The following AFAP1L1 variants were observed in gnomAD, a reference collection of about 807,000 sequenced individuals.
AFAP1L1 encodes actin filament-associated protein 1-like 1.
AFAP1L1 carries 77 observed loss-of-function variants against 99.8 expected under a neutral mutation model. The observed-to-expected ratio is 0.77, with a 90% CI of 0.64 to 0.93. AFAP1L1 has a LOEUF of 0.93. Among genes scored for constraint, AFAP1L1 ranks in the 40% least tolerant of loss-of-function variants. AFAP1L1 has a pLI of 0.00. For missense variants in AFAP1L1, 893 were observed against 996.8 expected (o/e 0.90, Z 1.40); for synonymous variants, 373 against 395.3 (o/e 0.94, Z 0.67).
At chr5:149,290,101 C>T (rs936332477) in intron 1 of AFAP1L1, among the ~76,000 whole-genome samples, 2 of 152,094 alleles carry the variant, frequency 1.3e-5, no homozygotes, top group African/African-American at 4.8e-5. Flanking sequence ...GGCGTGGTAG[C>T]GCACGCCTGT....
At chr5:149,316,623 T>A (rs942850404) in intron 11 of AFAP1L1, among the ~76,000 whole-genome samples, 1 of 152,206 alleles carries the variant, frequency 6.6e-6, no homozygotes, top group Non-Finnish European at 1.5e-5. Flanking sequence ...GACAGGGGTA[T>A]CTTATTTTCC....
At chr5:149,300,696 T>G (rs1157589634) in intron 3 of AFAP1L1, among the ~76,000 whole-genome samples, 1 of 152,210 alleles carries the variant, frequency 6.6e-6, no homozygotes, top group Non-Finnish European at 1.5e-5. Context: ...ATAGCTTGCA[T>G]GGCTGCCACG....
At chr5:149,275,836 A>G (rs1418163371) in intron 1 of AFAP1L1, among the ~76,000 whole-genome samples, 5 of 152,154 alleles carry the variant, frequency 3.3e-5, no homozygotes, top group East Asian at 1.9e-4. Context: ...CACCAGTCCT[A>G]TTGGATTAGA....
chr5:149,282,322 C>T (rs868459563), intron 1 of AFAP1L1, among the ~76,000 whole-genome samples: 2 of 152,142 alleles, frequency 1.3e-5, no homozygotes, highest in African/African-American at 4.8e-5. Flanking sequence ...AAATGGAATA[C>T]GTGCCTTTTC....
intron 14 of AFAP1L1, among the ~76,000 whole-genome samples, chr5:149,322,378 T>A (rs1756974415): frequency 6.6e-6 from 1 of 152,214 alleles, no homozygotes; most frequent in South Asian, 2.1e-4. Flanking sequence ...CAGCAGGTGC[T>A]GCAGTTTAGG....
Position 149,312,211 on chromosome 5 carries a change from C to G in AFAP1L1, c.1020+7C>G. 6.2e-7 allele frequency: 1 copy of G among 1,613,724 alleles called. No homozygotes were observed. The highest frequency in any genetic ancestry group is 1.1e-5 in the South Asian group (1 of 91,066). On this transcript the variant is annotated splice_region_variant and intron_variant, in intron 9 of 18. Transcript: ENST00000296721. ...CAAGTTGGACCTGGACAAGGTATAT[C>G]TGTCTCCACTAAGTCTTCCCCAGGC... is the stretch of plus-strand genomic sequence containing the variant.
At chr5:149,309,845 G>T (rs1249586660) in intron 7 of AFAP1L1, 111 bp from the exon 8 acceptor site, 8 of 1,337,922 alleles carry the variant, frequency 6.0e-6, no homozygotes, top group Admixed American at 1.9e-5. Context: ...TAGGCTGGGT[G>T]GGGGAGGTCT....
chr5:149,317,900 T>C lies in AFAP1L1; in HGVS notation c.1439T>C (p.Phe480Ser), dbSNP rs770066358. 6.3e-7 allele frequency: 1 copy of C among 1,592,430 alleles called. No individual in the cohort carries two copies. Among genetic ancestry groups the C allele is most frequent in the Non-Finnish European group, 8.6e-7 (1 of 1,169,478 alleles). The change falls in exon 12 of 19, where the codon TTC (phenylalanine) becomes TCC (serine). Residue 480 changes from phenylalanine to serine, a missense_variant. Phe to Ser is a radical substitution (Grantham distance 155). Transcript: ENST00000296721. ...PGFGPRHPFA[F>S]RILRNRQEVA... Reference sequence around the variant, plus strand: ...TTTGGGCCCCGACACCCATTTGCCTTCAGGATCCTGCGCAACCGGCAGGAG... The same window carrying C: ...TTTGGGCCCCGACACCCATTTGCCTCCAGGATCCTGCGCAACCGGCAGGAG...
intron 1 of AFAP1L1, among the ~76,000 whole-genome samples, chr5:149,278,877 T>C (rs922848555): frequency 1.3e-5 from 2 of 152,174 alleles, no homozygotes; most frequent in Non-Finnish European, 2.9e-5. Flanking sequence ...TCAGCCCTCT[T>C]GCTACACTCA....
chr5:149,281,248 G>A (rs922881389), intron 1 of AFAP1L1, among the ~76,000 whole-genome samples: 1 of 152,144 alleles, frequency 6.6e-6, no homozygotes, highest in African/African-American at 2.4e-5. Context: ...CCAGCCCTGA[G>A]TTTCTTTTCT....
chr5:149,326,442 G>A (rs1363013371), intron 15 of AFAP1L1, among the ~76,000 whole-genome samples: 2 of 151,558 alleles, frequency 1.3e-5, no homozygotes, highest in Non-Finnish European at 2.9e-5. Context: ...GGGAGGCTGA[G>A]GCACAAGAAT....
Position 149,343,160 on chromosome 5 carries a change from C to T in AFAP1L1, c.*3130C>T, listed in dbSNP as rs1232882417. Among the ~76,000 whole-genome samples, 2 of 152,116 alleles carry T rather than the reference C, an allele frequency of 1.3e-5. No homozygotes were observed. The highest frequency in any genetic ancestry group is 6.5e-5 in the Admixed American group (1 of 15,268). ...AGAAAATATAAGTTATTGGTCATGA[C>T]ACATTTGAGTTGGACCTCGGATTAG... is the stretch of plus-strand genomic sequence containing the variant. On this transcript the variant is annotated 3_prime_UTR_variant, in exon 19 of 19. Coordinates refer to ENST00000296721, the MANE Select transcript of AFAP1L1 (RefSeq NM_152406.4).
At chr5:149,274,607 A>T (rs920223383) in intron 1 of AFAP1L1, among the ~76,000 whole-genome samples, 3 of 152,230 alleles carry the variant, frequency 2.0e-5, no homozygotes, top group Non-Finnish European at 2.9e-5. Flanking sequence ...GGCTGGGCAC[A>T]GTGGCTCACG....
intron 1 of AFAP1L1, among the ~76,000 whole-genome samples, chr5:149,281,654 C>A (rs1289347631): frequency 6.6e-6 from 1 of 152,128 alleles, no homozygotes; most frequent in African/African-American, 2.4e-5. Context: ...CCATTTTATA[C>A]ATGAAGAAAC....
At chr5:149,333,190 A>G (rs1757307137) in intron 17 of AFAP1L1, among the ~76,000 whole-genome samples, 1 of 152,248 alleles carries the variant, frequency 6.6e-6, no homozygotes, top group African/African-American at 2.4e-5. Context: ...TTGAATAACA[A>G]ACATGTGTGA....
Position 149,306,399 on chromosome 5 carries a change from G to A in AFAP1L1, c.530G>A (p.Ser177Asn). 1 of 1,609,934 alleles carries A rather than the reference G, an allele frequency of 6.2e-7. No individual in the cohort carries two copies. Among genetic ancestry groups the A allele is most frequent in the Non-Finnish European group, 8.5e-7 (1 of 1,177,910 alleles). Residue 177 changes from serine to asparagine, a missense_variant, in exon 6 of 19, where the codon AGC (serine) becomes AAC (asparagine). Physicochemically the swap from Ser to Asn is conservative, Grantham distance 46. Coordinates refer to ENST00000296721, the MANE Select transcript of AFAP1L1 (RefSeq NM_152406.4). ...ACCAGGGTGAACGGCGAGCTTAAGA[G>A]CTCCTGTAAGTACCAGGTGGGCGTC... is the stretch of plus-strand genomic sequence containing the variant. ...PATRVNGELK[S>N]SYNDSDAMSS... is the part of the protein sequence containing the mutation.
intron 5 of AFAP1L1, chr5:149,302,728 C>G: frequency 2.1e-6 from 1 of 483,130 alleles, no homozygotes; most frequent in Non-Finnish European, 3.7e-6. Flanking sequence ...GCCCCAGGGG[C>G]TGGGGGCTTA....
intron 1 of AFAP1L1, among the ~76,000 whole-genome samples, chr5:149,289,331 C>T (rs1030937319): frequency 6.6e-6 from 1 of 152,204 alleles, no homozygotes. Context: ...TTCCTGCAAT[C>T]GCTGTAATTA....
Position 149,342,037 on chromosome 5 carries a change from C to G in AFAP1L1, c.*2007C>G, listed in dbSNP as rs1757573099. ...ATAATTAACATTTATCAAGCACTCACCATATGTCAGGCACTGTGTCAGCCA... is the reference window on the plus strand; with the variant it reads ...ATAATTAACATTTATCAAGCACTCAGCATATGTCAGGCACTGTGTCAGCCA... On this transcript the variant is annotated 3_prime_UTR_variant, in exon 19 of 19. Transcript: ENST00000296721. Among the ~76,000 whole-genome samples, 1 of 152,192 alleles carries G rather than the reference C, an allele frequency of 6.6e-6. No individual in the cohort carries two copies. The highest frequency in any genetic ancestry group is 1.5e-5 in the Non-Finnish European group (1 of 68,034).
Sources: gnomAD v4.1 joint callset for allele counts (sites outside exome capture counted in the v4.1 genomes callset) on GRCh38, gnomAD v4.1.1 for gene constraint, MANE v1.5 for transcripts, NCBI Gene and HGNC (gene_info 2026-07-23, HGNC 2026-07-21) for gene names.